The following FOXRED1 variants were observed in gnomAD, a reference collection of about 807,000 sequenced individuals.
FOXRED1 encodes the protein FAD-dependent oxidoreductase domain-containing protein 1.
FOXRED1 carries 52 observed loss-of-function variants against 57.8 expected under a neutral mutation model. That is an observed-to-expected ratio of 0.90 (90% CI 0.72 to 1.13). The LOEUF (loss-of-function observed/expected upper bound fraction) is 1.13, where lower values mean the gene tolerates loss of function less well. Among genes scored for constraint, FOXRED1 ranks in the 50% most tolerant of loss-of-function variants. The probability of loss-of-function intolerance (pLI) is 0.00; values close to 1 mark genes in which losing one functional copy is unlikely to be tolerated. For missense variants in FOXRED1, 589 were observed against 625.2 expected (o/e 0.94, Z 0.62); for synonymous variants, 271 against 248.3 (o/e 1.09, Z -0.86).
At position 126,273,375 on chromosome 11, in the gene FOXRED1, C is replaced by T. The variant is rs140745629; in HGVS notation, c.457C>T (p.Arg153Trp). The change falls in exon 4 of 11, where the codon CGG becomes TGG. Residue 153 changes from arginine (R) to tryptophan (W), a missense_variant. Coordinates refer to ENST00000263578, the MANE Select transcript of FOXRED1 (RefSeq NM_017547.4). The surrounding 1 kb of genome is among the most constrained non-coding windows in gnomAD (Gnocchi z 5.9). ...AVVDAPPLDL[R>W]FNPSGYLLLA... ...AGTCGATGCTCCTCCCCTGGACCTC[C>T]GGTTCAACCCCTCGGGCTACCTCTT... is the stretch of plus-strand genomic sequence containing the variant. 29 of 1,614,024 alleles carry T rather than the reference C, an allele frequency of 1.8e-5. No homozygotes were observed. Among genetic ancestry groups the T allele is most frequent in the South Asian group, 7.7e-5 (7 of 91,088 alleles).
At chr11:126,269,722 G>A (rs1407083723) in intron 1 of FOXRED1, among the ~76,000 whole-genome samples, 1 of 151,998 alleles carries the variant, frequency 6.6e-6, no homozygotes, top group Non-Finnish European at 1.5e-5. Flanking sequence ...GGCCGGGCGC[G>A]GGGCCTGTAA....
At position 126,276,376 on chromosome 11, in the gene FOXRED1, C is replaced by T; in HGVS notation, c.972-18C>T. On this transcript the variant is annotated intron_variant, in intron 8 of 10. Transcript: ENST00000263578. ...GCCATGCTGTTTCTGCAGTTCGTAA[C>T]CGCACTGGTTGTGGCAGGTATGTGT... 4 of 1,047,710 alleles carry T rather than the reference C, an allele frequency of 3.8e-6. No individual in the cohort carries two copies. Among genetic ancestry groups the T allele is most frequent in the South Asian group, 2.4e-5 (1 of 42,228 alleles). 64.9% of individuals were successfully genotyped at this position (1,047,710 alleles called of 1,614,324 possible).
In FOXRED1 at chr11:126,271,239, A is replaced by AAATG; in HGVS notation, c.86-198_86-197insAATG. 1.6e-6 allele frequency: 1 copy of AAATG among 618,966 alleles called. No homozygotes were observed. Among genetic ancestry groups the AAATG allele is most frequent in the Admixed American group, 2.4e-5 (1 of 41,490 alleles). The allele number at this position is 618,966 out of a possible 1,614,324, so 38.3% of individuals were successfully genotyped here. A position where few individuals can be genotyped will look rare whatever the true frequency, so the allele number is the denominator to read the frequency against. ...TTGCAGTGCTTGGCACAATGCATGA[A>AAATG]GAGACTGATGGCATGTGGACTATTC... On this transcript the variant is annotated intron_variant, in intron 1 of 10. Transcript: ENST00000263578. The surrounding 1 kb of genome is among the most constrained non-coding windows in gnomAD (Gnocchi z 5.3).
Position 126,271,160 on chromosome 11 carries a change from A to G in FOXRED1, c.86-277A>G. ...GCAGTTGAATATGTGAGTTGGGATCAGGAGAGGTCTATGCAGGAGGTAATG... is the reference window on the plus strand; with the variant it reads ...GCAGTTGAATATGTGAGTTGGGATCGGGAGAGGTCTATGCAGGAGGTAATG... On this transcript the variant is annotated intron_variant, in intron 1 of 10. Transcript: ENST00000263578. This position sits in a 1 kb window ranked among gnomAD's most constrained non-coding sequence, Gnocchi z 5.3. 2.4e-6 allele frequency: 1 copy of G among 410,390 alleles called. No homozygotes were observed. The highest frequency in any genetic ancestry group is 4.6e-6 in the Non-Finnish European group (1 of 216,374). 25.4% of individuals were successfully genotyped at this position (410,390 alleles called of 1,614,324 possible).
In FOXRED1 at chr11:126,269,180, T is replaced by C. The variant is rs940615553; in HGVS notation, c.-27T>C. Reference sequence around the variant, plus strand: ...ATAATAGCGAGGCAGCAGTGCAGCTTTCAGAGGGTCCGGGCTCAGAGGGGT... The same window carrying C: ...ATAATAGCGAGGCAGCAGTGCAGCTCTCAGAGGGTCCGGGCTCAGAGGGGT... On this transcript the variant is annotated 5_prime_UTR_variant, in exon 1 of 11. Transcript: ENST00000263578. 4 of 1,566,898 alleles carry C rather than the reference T, an allele frequency of 2.6e-6. No individual in the cohort carries two copies. Among genetic ancestry groups the C allele is most frequent in the Non-Finnish European group, 3.5e-6 (4 of 1,138,194 alleles).
rs774500202 is a variant in FOXRED1, at chr11:126,273,359, T to C, written c.441T>C (p.Ala147=). The C allele has an allele frequency of 6.2e-7, 1 of 1,613,740 alleles. No homozygotes were observed. Among genetic ancestry groups the C allele is most frequent in the Non-Finnish European group, 8.5e-7 (1 of 1,179,778 alleles). The change falls in exon 4 of 11, where the codon GCT becomes GCC. Residue 147 remains alanine, a synonymous_variant. Transcript: ENST00000263578. This position sits in a 1 kb window ranked among gnomAD's most constrained non-coding sequence, Gnocchi z 5.9. ...AGGAGTACCTGGCCGTAGTCGATGC[T>C]CCTCCCCTGGACCTCCGGTTCAACC... ...NINEYLAVVD[A]PPLDLRFNPS... is the part of the protein sequence containing the mutation.
chr11:126,275,263 G>A lies in FOXRED1; in HGVS notation c.632-64G>A. ...CCCTAGAGAGGGGTTGGGGGGCACAGGAAATACAATCCAAGAGCAGAAGTC... is the reference window on the plus strand; with the variant it reads ...CCCTAGAGAGGGGTTGGGGGGCACAAGAAATACAATCCAAGAGCAGAAGTC... On this transcript the variant is annotated intron_variant, in intron 5 of 10. Transcript: ENST00000263578. The surrounding 1 kb of genome is among the most constrained non-coding windows in gnomAD (Gnocchi z 5.9). 1 of 1,255,484 alleles carries A rather than the reference G, an allele frequency of 8.0e-7. No individual in the cohort carries two copies. The allele number at this position is 1,255,484 out of a possible 1,614,324, so 77.8% of individuals were successfully genotyped here.
rs373075574 is a variant in FOXRED1, at chr11:126,273,068, C to T, written c.406C>T (p.Arg136Trp). Residue 136 changes from arginine to tryptophan, a missense_variant, in exon 3 of 11, where the codon CGG becomes TGG. Arg to Trp is a moderately radical substitution (Grantham distance 101). Coordinates refer to ENST00000263578, the MANE Select transcript of FOXRED1 (RefSeq NM_017547.4). This position sits in a 1 kb window ranked among gnomAD's most constrained non-coding sequence, Gnocchi z 5.9. ...CTCCCTCTTTTCAGCCAGCTTTCTA[C>T]GGAACATCAATGTAGGTGCAATGAT... is the stretch of plus-strand genomic sequence containing the variant. ...QLSLFSASFL[R>W]NINEYLAVVD... 1.1e-5 allele frequency: 17 copies of T among 1,568,318 alleles called. No homozygotes were observed. The highest frequency in any genetic ancestry group is 4.4e-5 in the South Asian group (4 of 90,198).
rs1950981351 is a variant in FOXRED1 at position 126,271,399 on chromosome 11, G to A, written c.86-38G>A. On this transcript the variant is annotated intron_variant, in intron 1 of 10. Transcript: ENST00000263578. The surrounding 1 kb of genome is among the most constrained non-coding windows in gnomAD (Gnocchi z 5.3). The stretch of plus-strand genomic sequence containing the variant: ...TCCAACCCCCCAACCATGTGGGAAG[G>A]AAATGTTTGGCCCTCTGACCCTAAC... 6.8e-7 allele frequency: 1 copy of A among 1,474,966 alleles called. No homozygotes were observed. Among genetic ancestry groups the A allele is most frequent in the South Asian group, 1.1e-5 (1 of 88,148 alleles). The allele number at this position is 1,474,966 out of a possible 1,614,324, so 91.4% of individuals were successfully genotyped here. A position where few individuals can be genotyped will look rare whatever the true frequency, so the allele number is the denominator to read the frequency against.
intron 9 of FOXRED1, 53 bp downstream of exon 9, chr11:126,276,576 C>A: frequency 6.3e-7 from 1 of 1,580,932 alleles, no homozygotes. Flanking sequence ...ATAATTGTCA[C>A]GAAACAATCA....
rs1950986851 is a variant in FOXRED1, at chr11:126,271,559, G to A, written c.208G>A (p.Gly70Arg). 1.2e-6 allele frequency: 2 copies of A among 1,614,246 alleles called. No homozygotes were observed. Among genetic ancestry groups the A allele is most frequent in the East Asian group, 4.5e-5 (2 of 44,888 alleles). Residue 70 changes from glycine to arginine, a missense_variant, in exon 2 of 11, where the codon GGA becomes AGA. Transcript: ENST00000263578. The surrounding 1 kb of genome is among the most constrained non-coding windows in gnomAD (Gnocchi z 5.3). ...CGAGCACTCGGATGTGGTGATCGTG[G>A]GAGGTGGGGTGCTTGGCTTGTCTGT... is the stretch of plus-strand genomic sequence containing the variant. ...PPEHSDVVIV[G>R]GGVLGLSVAY...
At position 126,278,048 on chromosome 11, in the gene FOXRED1, C is replaced by T. The variant is rs1208202382; in HGVS notation, c.*359C>T. 1.9e-6 allele frequency: 1 copy of T among 517,506 alleles called. No individual in the cohort carries two copies. Among genetic ancestry groups the T allele is most frequent in the South Asian group, 1.5e-5 (1 of 65,022 alleles). 32.1% of individuals were successfully genotyped at this position (517,506 alleles called of 1,614,324 possible). A position where few individuals can be genotyped will look rare whatever the true frequency, so the allele number is the denominator to read the frequency against. The stretch of plus-strand genomic sequence containing the variant: ...GACAGAGCCCAGGCATGGGAGCACT[C>T]TGGGGCAGCCTGGCTCAGGTTTATT... On this transcript the variant is annotated 3_prime_UTR_variant, in exon 11 of 11. Coordinates refer to ENST00000263578, the MANE Select transcript of FOXRED1 (RefSeq NM_017547.4). The surrounding 1 kb of genome is among the most constrained non-coding windows in gnomAD (Gnocchi z 4.8).
rs1264527801 is a variant in FOXRED1, at chr11:126,273,793, A to G, written c.536+339A>G. On this transcript the variant is annotated intron_variant, in intron 4 of 10. Coordinates refer to ENST00000263578, the MANE Select transcript of FOXRED1 (RefSeq NM_017547.4). The surrounding 1 kb of genome is among the most constrained non-coding windows in gnomAD (Gnocchi z 5.9). ...CAGGAGTTAGCAAACTTTTTCTGTA[A>G]AGGGCCAGATAGTATATATTTTAGG... The G allele has an allele frequency of 5.4e-6, 2 of 367,292 alleles. No homozygotes were observed. The highest frequency in any genetic ancestry group is 4.2e-5 in the African/African-American group (2 of 47,846). 22.8% of individuals were successfully genotyped at this position (367,292 alleles called of 1,614,324 possible). A position where few individuals can be genotyped will look rare whatever the true frequency, so the allele number is the denominator to read the frequency against.
In FOXRED1 at chr11:126,271,849, CA is replaced by C. The variant is rs971752341; in HGVS notation, c.306+194del. On this transcript the variant is annotated intron_variant, in intron 2 of 10. Transcript: ENST00000263578. This position sits in a 1 kb window ranked among gnomAD's most constrained non-coding sequence, Gnocchi z 5.3. The stretch of plus-strand genomic sequence containing the variant: ...TCCTCAGTCGAACCAGGAAGCTTGG[CA>C]ATAAGGTTTGTTCTTTTGAAAGCAG... 55 of 617,398 alleles carry C rather than the reference CA, an allele frequency of 8.9e-5. No homozygotes were observed. In the African/African-American group the frequency reaches 9.7e-4, roughly 11 times the overall value. The allele number at this position is 617,398 out of a possible 1,614,324, so 38.2% of individuals were successfully genotyped here.
Position 126,274,864 on chromosome 11 carries a change from A to G in FOXRED1, c.537-63A>G. 1 of 957,406 alleles carries G rather than the reference A, an allele frequency of 1.0e-6. No individual in the cohort carries two copies. The highest frequency in any genetic ancestry group is 1.7e-6 in the Non-Finnish European group (1 of 579,938). The allele number at this position is 957,406 out of a possible 1,614,324, so 59.3% of individuals were successfully genotyped here. ...CCCCACTTGTGGAGTTGGGGTCCAT[A>G]CATCATCCCCCTGCACACTCCCCTC... On this transcript the variant is annotated intron_variant, in intron 4 of 10. Transcript: ENST00000263578. The surrounding 1 kb of genome is among the most constrained non-coding windows in gnomAD (Gnocchi z 4.8).
At chr11:126,270,974 T>C in intron 1 of FOXRED1, 1 of 203,436 alleles carries the variant, frequency 4.9e-6, no homozygotes, top group Non-Finnish European at 1.0e-5. Context: ...CCGCAGAACT[T>C]GATTATGGAT....
intron 9 of FOXRED1, 65 bp downstream of exon 9, chr11:126,276,588 G>T: frequency 1.3e-6 from 2 of 1,566,706 alleles, no homozygotes; most frequent in Non-Finnish European, 1.7e-6. Flanking sequence ...AAACAATCAG[G>T]CTTTTGGCCA....
Position 126,274,901 on chromosome 11 carries a change from T to C in FOXRED1, c.537-26T>C. 1.4e-6 allele frequency: 2 copies of C among 1,407,180 alleles called. No individual in the cohort carries two copies. Among genetic ancestry groups the C allele is most frequent in the Non-Finnish European group, 1.0e-6 (1 of 991,032 alleles). 87.2% of individuals were successfully genotyped at this position (1,407,180 alleles called of 1,614,324 possible). ...TGCACACTCCCCTCTCTGACACACA[T>C]ACACCGACCCACACGTTTATCTCAG... On this transcript the variant is annotated intron_variant, in intron 4 of 10. Coordinates refer to ENST00000263578, the MANE Select transcript of FOXRED1 (RefSeq NM_017547.4). This position sits in a 1 kb window ranked among gnomAD's most constrained non-coding sequence, Gnocchi z 4.8.
In FOXRED1 at chr11:126,272,520, G is replaced by A. The variant is rs936888877; in HGVS notation, c.307-449G>A. 4.1e-6 allele frequency: 1 copy of A among 243,974 alleles called. No homozygotes were observed. Among genetic ancestry groups the A allele is most frequent in the African/African-American group, 2.3e-5 (1 of 43,458 alleles). 15.1% of individuals were successfully genotyped at this position (243,974 alleles called of 1,614,324 possible). A position where few individuals can be genotyped will look rare whatever the true frequency, so the allele number is the denominator to read the frequency against. ...GTTGCCCAGCTGGTCTCAGATTCCTGAACTCAAGCAATCAGCCCGCCTCGG... is the reference window on the plus strand; with the variant it reads ...GTTGCCCAGCTGGTCTCAGATTCCTAAACTCAAGCAATCAGCCCGCCTCGG... On this transcript the variant is annotated intron_variant, in intron 2 of 10. Transcript: ENST00000263578. The surrounding 1 kb of genome is among the most constrained non-coding windows in gnomAD (Gnocchi z 4.6).
Sources: gnomAD v4.1 joint callset for allele counts (sites outside exome capture counted in the v4.1 genomes callset) on GRCh38, gnomAD v4.1.1 for gene constraint, Gnocchi (gnomAD v3.1) non-coding constraint, MANE v1.5 for transcripts, NCBI Gene and HGNC (gene_info 2026-07-23, HGNC 2026-07-21) for gene names.